CTNNA3: variants seen among roughly 807,000 people sequenced by gnomAD.
CTNNA3 encodes the protein catenin alpha 3, also known as catenin alpha-3.
A neutral mutation model predicts 95.7 loss-of-function variants in CTNNA3; 76 were observed. That is an observed-to-expected ratio of 0.79 (90% CI 0.66 to 0.96). CTNNA3 has a LOEUF of 0.96. CTNNA3 is among the 40% of genes least tolerant of loss of function. The probability of loss-of-function intolerance (pLI) is 0.00; values close to 1 mark genes in which losing one functional copy is unlikely to be tolerated. For synonymous variants in CTNNA3, 431 were observed against 374.4 expected (o/e 1.15, Z -1.74); for missense variants, 1,191 against 1,089.8 (o/e 1.09, Z -1.31).
intron 9 of CTNNA3, among the ~76,000 whole-genome samples, chr10:66,707,673 C>CAA (rs1399088245): frequency 6.6e-6 from 1 of 151,974 alleles, no homozygotes; most frequent in Non-Finnish European, 1.5e-5. Context: ...GAAACTAACT[C>CAA]AGAGTACCAA....
At chr10:66,471,678 A>G (rs1007177487) in intron 11 of CTNNA3, among the ~76,000 whole-genome samples, 10 of 151,938 alleles carry the variant, frequency 6.6e-5, no homozygotes, top group Admixed American at 5.3e-4. Flanking sequence ...ACCTAGTGAC[A>G]TCACATATAA....
At chr10:67,426,892 G>A (rs1845941405) in intron 5 of CTNNA3, among the ~76,000 whole-genome samples, 1 of 151,850 alleles carries the variant, frequency 6.6e-6, no homozygotes, top group Non-Finnish European at 1.5e-5. Context: ...TAACTACTTA[G>A]TGCATTTATG....
intron 15 of CTNNA3, among the ~76,000 whole-genome samples, chr10:66,008,433 T>C (rs1448823504): frequency 6.6e-6 from 1 of 152,248 alleles, no homozygotes; most frequent in Non-Finnish European, 1.5e-5. Context: ...AGAAGTCTAA[T>C]ATGTTTACGC....
At chr10:67,094,647 A>C (rs907242903) in intron 7 of CTNNA3, among the ~76,000 whole-genome samples, 2 of 151,802 alleles carry the variant, frequency 1.3e-5, no homozygotes, top group Admixed American at 1.3e-4. Flanking sequence ...CTTGTACTAC[A>C]TCTGTATACA....
At chr10:67,726,651 A>ACG (rs1564841393) in intron 1 of CTNNA3, among the ~76,000 whole-genome samples, 2 of 71,618 alleles carry the variant, frequency 2.8e-5, no homozygotes, top group African/African-American at 6.1e-5. Flanking sequence ...TATATACTAT[A>ACG]ATATATTATA....
chr10:66,643,173 C>T (rs1419808132), intron 9 of CTNNA3, among the ~76,000 whole-genome samples: 1 of 152,146 alleles, frequency 6.6e-6, no homozygotes, highest in African/African-American at 2.4e-5. Flanking sequence ...ACATAATTTA[C>T]AATCTAAACT....
At chr10:67,300,949 T>A (rs958749410) in intron 5 of CTNNA3, among the ~76,000 whole-genome samples, 10 of 152,252 alleles carry the variant, frequency 6.6e-5, no homozygotes, top group African/African-American at 2.2e-4. Context: ...CAATATTTTT[T>A]ATTTAAGTTT....
At chr10:66,744,684 T>C (rs1374624018) in intron 9 of CTNNA3, among the ~76,000 whole-genome samples, 1 of 152,200 alleles carries the variant, frequency 6.6e-6, no homozygotes, top group African/African-American at 2.4e-5. Context: ...ATTTGCTTAG[T>C]TTAAAATCTC....
In CTNNA3 at chr10:66,905,724, A is replaced by G. The variant is rs187171308; in HGVS notation, c.1048-130200T>C. ...AAATTTTGCTACATGCATTACGCTA[A>G]GTGAAATAAGCCAGTCATGGAAGGA... On this transcript the variant is annotated intron_variant, in intron 7 of 17. Transcript: ENST00000433211. Among the ~76,000 whole-genome samples the G allele has an allele frequency of 1.9e-3, 294 of 152,310 alleles. 1 individual carries two copies. Among genetic ancestry groups the G allele is most frequent in the African/African-American group, 6.7e-3 (277 of 41,574 alleles).
intron 4 of CTNNA3, among the ~76,000 whole-genome samples, chr10:67,536,260 C>T (rs1045996646): frequency 3.9e-5 from 6 of 152,122 alleles, no homozygotes; most frequent in African/African-American, 1.4e-4. Flanking sequence ...TGAAAAGAGC[C>T]TTTTCTATTG....
chr10:67,567,539 T>C lies in CTNNA3; in HGVS notation c.293-27870A>G, dbSNP rs919703587. 6.6e-5 allele frequency among the ~76,000 whole-genome samples: 10 copies of C among 152,136 alleles called. No homozygotes were observed. The South Asian group carries it at 1.9e-3, about 28-fold the overall frequency. ...CTTGAAAGCCCTGACTTAACCACTATGTAATCTATGCAAGTAATAAAATTA... is the reference window on the plus strand; with the variant it reads ...CTTGAAAGCCCTGACTTAACCACTACGTAATCTATGCAAGTAATAAAATTA... On this transcript the variant is annotated intron_variant, in intron 3 of 17. Transcript: ENST00000433211.
intron 5 of CTNNA3, among the ~76,000 whole-genome samples, chr10:67,224,947 C>A (rs959455532): frequency 6.6e-6 from 1 of 152,152 alleles, no homozygotes; most frequent in Non-Finnish European, 1.5e-5. Context: ...AGGCCGTTTT[C>A]ATTTGAAGGT....
chr10:66,545,562 G>T (rs571373583), intron 10 of CTNNA3, among the ~76,000 whole-genome samples: 1 of 152,044 alleles, frequency 6.6e-6, no homozygotes, highest in Non-Finnish European at 1.5e-5. Context: ...GGAGTGGAAT[G>T]GTTGGGTCAC....
chr10:67,749,432 T>C (rs1344070721), intron 1 of CTNNA3, among the ~76,000 whole-genome samples: 1 of 152,090 alleles, frequency 6.6e-6, no homozygotes, highest in African/African-American at 2.4e-5. Context: ...CCTCAGCAAA[T>C]GCAAAAGAAC....
At chr10:67,656,368 G>A (rs892488110) in intron 1 of CTNNA3, among the ~76,000 whole-genome samples, 3 of 152,106 alleles carry the variant, frequency 2.0e-5, no homozygotes, top group Non-Finnish European at 4.4e-5. Flanking sequence ...CTCCCACCTA[G>A]CTTTTTGGTA....
At chr10:66,796,500 T>C (rs1335165852) in intron 7 of CTNNA3, among the ~76,000 whole-genome samples, 3 of 151,886 alleles carry the variant, frequency 2.0e-5, no homozygotes, top group Admixed American at 6.6e-5. Context: ...GTAACAGATA[T>C]AAAAATAATT....
In CTNNA3 at chr10:67,595,146, C is replaced by G. The variant is rs59952012; in HGVS notation, c.292+11711G>C. On this transcript the variant is annotated intron_variant, in intron 3 of 17. Transcript: ENST00000433211. ...CGTCTCAATTTTATTCAGTTCAGCT[C>G]TGATTTTGGTTATTTCTTTTCTTCC... 5.4e-3 allele frequency among the ~76,000 whole-genome samples: 816 copies of G among 152,260 alleles called. 36 individuals carry two copies. The East Asian group carries it at 0.099, about 18-fold the overall frequency.
intron 13 of CTNNA3, among the ~76,000 whole-genome samples, chr10:66,173,292 C>CA (rs145935744): frequency 0.03 from 4,617 of 152,142 alleles, 245 homozygotes; most frequent in African/African-American, 0.11. Context: ...GAAAACCCAG[C>CA]AAACAACACA....
chr10:67,560,308 C>T (rs1841457559), intron 3 of CTNNA3, among the ~76,000 whole-genome samples: 1 of 150,816 alleles, frequency 6.6e-6, no homozygotes, highest in African/African-American at 2.4e-5. Flanking sequence ...ACTCTACAAA[C>T]CAGAAGAGAG....
Sources: gnomAD v4.1 joint callset for allele counts (sites outside exome capture counted in the v4.1 genomes callset) on GRCh38, gnomAD v4.1.1 for gene constraint, MANE v1.5 for transcripts, NCBI Gene and HGNC (gene_info 2026-07-23, HGNC 2026-07-21) for gene names.